Variants in FTO observed in about 807,000 individuals in gnomAD.
The protein encoded by FTO is alpha-ketoglutarate-dependent dioxygenase FTO.
A neutral mutation model predicts 63.9 loss-of-function variants in FTO; 47 were observed. That is an observed-to-expected ratio of 0.74 (90% CI 0.58 to 0.94). FTO has a LOEUF of 0.94. Among genes scored for constraint, FTO ranks in the 40% least tolerant of loss-of-function variants. The pLI is 0.00. For missense variants in FTO, 562 were observed against 618.1 expected, an observed-to-expected ratio of 0.91 and a Z score of 0.96; for synonymous variants, 207 against 224.4, an observed-to-expected ratio of 0.92 and a Z score of 0.69.
chr16:54,095,067 CTT>C (rs2086484870), intron 8 of FTO, among the ~76,000 whole-genome samples: 1 of 152,118 alleles, frequency 6.6e-6, no homozygotes, highest in Admixed American at 6.5e-5. Context: ...ATGCCTAACT[CTT>C]TTTTCTTTCT....
intron 8 of FTO, among the ~76,000 whole-genome samples, chr16:54,062,984 C>T (rs892144505): frequency 1.3e-5 from 2 of 152,168 alleles, no homozygotes; most frequent in East Asian, 1.9e-4. Context: ...CACACATGCG[C>T]CCCCGAGGGG....
At chr16:53,986,801 A>G (rs2083678915) in intron 8 of FTO, among the ~76,000 whole-genome samples, 1 of 152,240 alleles carries the variant, frequency 6.6e-6, no homozygotes, top group Non-Finnish European at 1.5e-5. Flanking sequence ...CTGTAGAGAC[A>G]TTAAATTACT....
rs889057249 is a variant in FTO, at chr16:53,761,940, T to G, written c.46-48200T>G. Among the ~76,000 whole-genome samples the G allele has an allele frequency of 1.1e-4, 17 of 152,350 alleles. No homozygotes were observed. The East Asian group carries it at 3.3e-3, about 29-fold the overall frequency. ...TTTTAATGCCTTCTCAGCCTGTTGC[T>G]CAGAGATTAGTGGGAAGGAATAAAT... On this transcript the variant is annotated intron_variant, in intron 1 of 8. Coordinates refer to ENST00000471389, the MANE Select transcript of FTO (RefSeq NM_001080432.3).
intron 1 of FTO, among the ~76,000 whole-genome samples, chr16:53,728,054 C>A (rs1319257176): frequency 6.6e-6 from 1 of 152,000 alleles, no homozygotes; most frequent in Non-Finnish European, 1.5e-5. Context: ...GCCTGGGTAA[C>A]ATAGTGAGAC....
At chr16:53,975,249 G>T (rs1269770920) in intron 8 of FTO, among the ~76,000 whole-genome samples, 2 of 151,042 alleles carry the variant, frequency 1.3e-5, no homozygotes, top group Admixed American at 6.6e-5. Context: ...GTGTCCTAAA[G>T]GTTGTAAGGT....
chr16:53,858,665 T>C (rs994922655), intron 4 of FTO, among the ~76,000 whole-genome samples: 12 of 152,284 alleles, frequency 7.9e-5, no homozygotes, highest in African/African-American at 2.6e-4. Flanking sequence ...CTTTTCTTTT[T>C]TTTTCCTTTT....
At chr16:54,074,729 A>G (rs1389516436) in intron 8 of FTO, among the ~76,000 whole-genome samples, 1 of 152,128 alleles carries the variant, frequency 6.6e-6, no homozygotes, top group Non-Finnish European at 1.5e-5. Context: ...TCACCTAAGG[A>G]TAGATTCCTA....
rs1598901906 is a variant in FTO at position 53,883,102 on chromosome 16, T to C, written c.1119+3115T>C. Among the ~76,000 whole-genome samples, 3 of 152,336 alleles carry C rather than the reference T, an allele frequency of 2.0e-5. No individual in the cohort carries two copies. In the South Asian group the frequency reaches 6.2e-4, roughly 32 times the overall value. ...GTTATGTCTTTCTCCATATTTATAG[T>C]ATAGAAATTCTAATCTCAAAATGTA... is the stretch of plus-strand genomic sequence containing the variant. On this transcript the variant is annotated intron_variant, in intron 6 of 8. Coordinates refer to ENST00000471389, the MANE Select transcript of FTO (RefSeq NM_001080432.3).
intron 1 of FTO, among the ~76,000 whole-genome samples, chr16:53,787,616 G>A (rs2077785575): frequency 6.6e-6 from 1 of 152,120 alleles, no homozygotes; most frequent in African/African-American, 2.4e-5. Flanking sequence ...CTTTTACGCT[G>A]ACTCATACAG....
intron 8 of FTO, among the ~76,000 whole-genome samples, chr16:54,102,526 C>T (rs1261450933): frequency 6.6e-6 from 1 of 152,068 alleles, no homozygotes; most frequent in Non-Finnish European, 1.5e-5. Context: ...GTCTGGGCAA[C>T]CTAGAGTGAC....
At chr16:53,800,361 TA>T (rs1304953152) in intron 1 of FTO, among the ~76,000 whole-genome samples, 2 of 152,214 alleles carry the variant, frequency 1.3e-5, no homozygotes, top group African/African-American at 4.8e-5. Flanking sequence ...TCACAGAATA[TA>T]TTTTTTATGA....
chr16:53,912,880 G>A (rs1422617551), intron 7 of FTO, among the ~76,000 whole-genome samples: 1 of 152,200 alleles, frequency 6.6e-6, no homozygotes, highest in East Asian at 1.9e-4. Context: ...TCACCTTGAG[G>A]TCAGAAGAAG....
intron 8 of FTO, among the ~76,000 whole-genome samples, chr16:54,069,145 A>G (rs1426568144): frequency 2.0e-5 from 3 of 152,164 alleles, no homozygotes; most frequent in African/African-American, 2.4e-5. Context: ...TAGAAGATCC[A>G]TGGGTCCCTG....
At chr16:54,079,804 G>C (rs1254031770) in intron 8 of FTO, among the ~76,000 whole-genome samples, 1 of 152,186 alleles carries the variant, frequency 6.6e-6, no homozygotes, top group Admixed American at 6.5e-5. Flanking sequence ...TATTGGCCCA[G>C]ATAAGCAGAT....
chr16:53,845,589 T>C (rs1301818002), intron 4 of FTO, among the ~76,000 whole-genome samples: 2 of 152,244 alleles, frequency 1.3e-5, no homozygotes, highest in Non-Finnish European at 2.9e-5. Context: ...AAGGAGATTT[T>C]ACATCACTAT....
chr16:53,918,076 C>G (rs1458976031), intron 7 of FTO, among the ~76,000 whole-genome samples: 1 of 151,950 alleles, frequency 6.6e-6, no homozygotes, highest in Non-Finnish European at 1.5e-5. Flanking sequence ...TAAGAGTGGG[C>G]CGGGTTTGTG....
intron 8 of FTO, chr16:53,985,072 C>T (rs772268036): frequency 2.3e-4 from 101 of 438,620 alleles, no homozygotes; most frequent in Non-Finnish European, 4.4e-4. Flanking sequence ...TACAAGGTTA[C>T]CTGTTTGTTC....
At chr16:53,936,674 C>T (rs1182162424) in intron 8 of FTO, among the ~76,000 whole-genome samples, 1 of 152,110 alleles carries the variant, frequency 6.6e-6, no homozygotes. Flanking sequence ...TCACCAAAGG[C>T]CAAGCAATAG....
chr16:53,813,384 G>C (rs1025909814), intron 2 of FTO, among the ~76,000 whole-genome samples: 3 of 151,892 alleles, frequency 2.0e-5, no homozygotes, highest in South Asian at 4.2e-4. Context: ...CCTAATTTTT[G>C]TAAGTTTAGT....
Sources: gnomAD v4.1 joint callset for allele counts (sites outside exome capture counted in the v4.1 genomes callset) on GRCh38, gnomAD v4.1.1 for gene constraint, MANE v1.5 for transcripts, NCBI Gene and HGNC (gene_info 2026-07-23, HGNC 2026-07-21) for gene names.